INPP5D: variants seen among roughly 807,000 people sequenced by gnomAD.
INPP5D encodes inositol polyphosphate-5-phosphatase D.
INPP5D carries 33 observed loss-of-function variants against 122.9 expected under a neutral mutation model. The ratio of observed to expected loss-of-function variants is 0.27; its 90% CI spans 0.20 to 0.36. The LOEUF is 0.36. Among genes scored for constraint, INPP5D ranks in the 10% least tolerant of loss-of-function variants. The pLI is 1.00. For synonymous variants in INPP5D, 584 were observed against 576.2 expected (o/e 1.01, Z -0.19); for missense variants, 1,053 against 1,412.7 (o/e 0.75, Z 4.08).
chr2:233,090,449 C>T (rs987961145), intron 2 of INPP5D, among the ~76,000 whole-genome samples: 3 of 152,108 alleles, frequency 2.0e-5, no homozygotes, highest in Admixed American at 6.5e-5. Flanking sequence ...AACCCATCTC[C>T]CCCCCATATT....
At chr2:233,176,234 T>C (rs1468067523) in intron 17 of INPP5D, among the ~76,000 whole-genome samples, 2 of 152,126 alleles carry the variant, frequency 1.3e-5, no homozygotes, top group African/African-American at 4.8e-5. Flanking sequence ...GCTTGTCATA[T>C]AGTATTAATA....
intron 13 of INPP5D, among the ~76,000 whole-genome samples, chr2:233,165,760 GTGTT>G (rs1270109752): frequency 7.0e-6 from 1 of 142,828 alleles, no homozygotes; most frequent in Non-Finnish European, 1.6e-5. Context: ...CCATGTGTCT[GTGTT>G]TGTGAGTGTG....
chr2:233,152,085 G>T (rs375545222), intron 9 of INPP5D, among the ~76,000 whole-genome samples: 23 of 152,202 alleles, frequency 1.5e-4, no homozygotes, highest in African/African-American at 5.6e-4. Flanking sequence ...CTTGCTAATA[G>T]TATGATCTCA....
At position 233,195,382 on chromosome 2, in the gene INPP5D, C is replaced by T. The variant is rs761903967; in HGVS notation, c.2597-17C>T. On this transcript the variant is annotated splice_polypyrimidine_tract_variant and intron_variant, in intron 23 of 26. Transcript: ENST00000445964. ...AGCTGGGCCCTCACATGCTCTTTCCCGTCCCTTTCCTTCCAGACTTTGTGA... is the reference window on the plus strand; with the variant it reads ...AGCTGGGCCCTCACATGCTCTTTCCTGTCCCTTTCCTTCCAGACTTTGTGA... The T allele has an allele frequency of 9.9e-6, 16 of 1,613,574 alleles. No individual in the cohort carries two copies. The highest frequency in any genetic ancestry group is 3.3e-5 in the South Asian group (3 of 91,086).
chr2:233,079,041 TG>T (rs1691602053), intron 1 of INPP5D, among the ~76,000 whole-genome samples: 1 of 152,086 alleles, frequency 6.6e-6, no homozygotes, highest in Non-Finnish European at 1.5e-5. Flanking sequence ...AGCCCCTCCA[TG>T]TGGCAGACTC....
At chr2:233,131,910 C>T (rs375423197) in intron 5 of INPP5D, among the ~76,000 whole-genome samples, 3 of 152,090 alleles carry the variant, frequency 2.0e-5, no homozygotes, top group Admixed American at 6.6e-5. Flanking sequence ...TAATCAAATT[C>T]GACTTTCCTT....
In INPP5D at chr2:233,170,317, C is replaced by A; in HGVS notation, c.1791+153C>A. On this transcript the variant is annotated intron_variant, in intron 15 of 26. Coordinates refer to ENST00000445964, the MANE Select transcript of INPP5D (RefSeq NM_001017915.3). The surrounding 1 kb of genome is among the most constrained non-coding windows in gnomAD (Gnocchi z 4.5). Reference sequence around the variant, plus strand: ...GCTCAACGCTGTTTCCATTACTGAGCCTCAGCCGCTCCTCACGGTTCCCCT... The same window carrying A: ...GCTCAACGCTGTTTCCATTACTGAGACTCAGCCGCTCCTCACGGTTCCCCT... 1 of 1,482,312 alleles carries A rather than the reference C, an allele frequency of 6.7e-7. No homozygotes were observed. The highest frequency in any genetic ancestry group is 9.0e-7 in the Non-Finnish European group (1 of 1,107,756). 91.8% of individuals were successfully genotyped at this position (1,482,312 alleles called of 1,614,324 possible). A position where few individuals can be genotyped will look rare whatever the true frequency, so the allele number is the denominator to read the frequency against.
intron 25 of INPP5D, among the ~76,000 whole-genome samples, chr2:233,202,424 A>G (rs1448704585): frequency 3.3e-5 from 5 of 151,976 alleles, no homozygotes; most frequent in Admixed American, 1.3e-4. Context: ...AATGGGCAAC[A>G]CCCCCAGGTG....
At chr2:233,070,249 A>T (rs1014283818) in intron 1 of INPP5D, among the ~76,000 whole-genome samples, 20 of 151,224 alleles carry the variant, frequency 1.3e-4, no homozygotes, top group African/African-American at 4.6e-4. Flanking sequence ...AAGTTTTATG[A>T]TTTTTTTTTG....
chr2:233,154,869 G>A (rs1694006542), intron 9 of INPP5D, among the ~76,000 whole-genome samples: 1 of 152,212 alleles, frequency 6.6e-6, no homozygotes. Context: ...CTTCTGATGG[G>A]CTTTTGTTAC....
At chr2:233,107,474 A>G (rs556929789) in intron 2 of INPP5D, among the ~76,000 whole-genome samples, 1 of 152,260 alleles carries the variant, frequency 6.6e-6, no homozygotes, top group South Asian at 2.1e-4. Flanking sequence ...CACAGCAAAG[A>G]GGGTGTTGGC....
intron 19 of INPP5D, among the ~76,000 whole-genome samples, 172 bp from the exon 20 acceptor site, chr2:233,184,236 G>A (rs978596336): frequency 7.2e-5 from 11 of 152,172 alleles, no homozygotes; most frequent in Non-Finnish European, 8.8e-5. Context: ...CAGAGAGGTT[G>A]AGGATGCTCG....
intron 18 of INPP5D, among the ~76,000 whole-genome samples, chr2:233,181,509 A>G (rs1694782240): frequency 6.6e-6 from 1 of 152,044 alleles, no homozygotes; most frequent in South Asian, 2.1e-4. Flanking sequence ...ACATCTAAAG[A>G]TGCATCTCCA....
At chr2:233,064,694 G>A (rs1691162921) in intron 1 of INPP5D, among the ~76,000 whole-genome samples, 1 of 152,202 alleles carries the variant, frequency 6.6e-6, no homozygotes, top group South Asian at 2.1e-4. Flanking sequence ...CTGGAAGCGA[G>A]AAACAGAGAC....
chr2:233,089,378 A>G (rs986424767), intron 2 of INPP5D, among the ~76,000 whole-genome samples: 1 of 152,262 alleles, frequency 6.6e-6, no homozygotes, highest in Non-Finnish European at 1.5e-5. Context: ...ACAAAGGCTC[A>G]GATGAGATAA....
chr2:233,202,215 T>C (rs1695358315), intron 25 of INPP5D, among the ~76,000 whole-genome samples: 1 of 152,188 alleles, frequency 6.6e-6, no homozygotes, highest in African/African-American at 2.4e-5. Context: ...GACTTCTTGC[T>C]CCTTCATCTG....
Position 233,125,585 on chromosome 2 carries a change from G to A in INPP5D, c.350-160G>A, listed in dbSNP as rs112464218. Among the ~76,000 whole-genome samples, 783 of 152,350 alleles carry A rather than the reference G, an allele frequency of 5.1e-3. 10 individuals are homozygous for A. Among genetic ancestry groups the A allele is most frequent in the African/African-American group, 0.018 (752 of 41,588 alleles). On this transcript the variant is annotated intron_variant, in intron 3 of 26. Transcript: ENST00000445964. ...ACACTGCACTAGCCAGGGCCCTGTG[G>A]CAGGAGGCTCTCCCTCCAGGAGGGA...
At chr2:233,101,794 T>C (rs1239313414) in intron 2 of INPP5D, among the ~76,000 whole-genome samples, 1 of 128,260 alleles carries the variant, frequency 7.8e-6, no homozygotes, top group Non-Finnish European at 1.5e-5. Context: ...CATTATATTA[T>C]ATTAACTTAT....
rs946370212 is a variant in INPP5D at position 233,160,121 on chromosome 2, C to A, written c.1138-1603C>A. 6.6e-6 allele frequency among the ~76,000 whole-genome samples: 1 copy of A among 152,208 alleles called. No individual in the cohort carries two copies. Among genetic ancestry groups the A allele is most frequent in the Non-Finnish European group, 1.5e-5 (1 of 68,046 alleles). On this transcript the variant is annotated intron_variant, in intron 10 of 26. Coordinates refer to ENST00000445964, the MANE Select transcript of INPP5D (RefSeq NM_001017915.3). This position sits in a 1 kb window ranked among gnomAD's most constrained non-coding sequence, Gnocchi z 4.2. The stretch of plus-strand genomic sequence containing the variant: ...GCCATGAATCTTGAGCCACTCCCAA[C>A]TCGAGGCAGGTTATAGTAAAGATGG...
Sources: gnomAD v4.1 joint callset for allele counts (sites outside exome capture counted in the v4.1 genomes callset) on GRCh38, gnomAD v4.1.1 for gene constraint, Gnocchi (gnomAD v3.1) non-coding constraint, MANE v1.5 for transcripts, NCBI Gene and HGNC (gene_info 2026-07-23, HGNC 2026-07-21) for gene names.